The following ANK2 variants were observed in gnomAD, a reference collection of about 807,000 sequenced individuals.
ANK2 encodes the protein ankyrin 2, also known as ankyrin-2.
ANK2 carries 83 observed loss-of-function variants against 360.5 expected under a neutral mutation model. That is an observed-to-expected ratio of 0.23 (90% CI 0.19 to 0.28). ANK2 has a LOEUF of 0.28. Ranked by LOEUF, ANK2 falls within the 10% of genes least tolerant of loss-of-function variation. ANK2 has a pLI of 1.00. For synonymous variants in ANK2, 1,740 were observed against 1,759.5 expected, an observed-to-expected ratio of 0.99 and a Z score of 0.28; for missense variants, 4,201 against 4,795.7, an observed-to-expected ratio of 0.88 and a Z score of 3.66.
At chr4:112,910,093 G>A (rs753970775) in intron 2 of ANK2, among the ~76,000 whole-genome samples, 12 of 152,150 alleles carry the variant, frequency 7.9e-5, no homozygotes, top group Non-Finnish European at 1.5e-4. Flanking sequence ...GAATCACAGT[G>A]ATCTCCAATA....
intron 1 of ANK2, among the ~76,000 whole-genome samples, chr4:113,113,081 CCCAAAAAACAGAGGAAG>C (rs906441877): frequency 5.9e-5 from 9 of 152,032 alleles, no homozygotes; most frequent in Non-Finnish European, 1.3e-4. Context: ...ACTCATTAGT[CCCAAAAAACAGAGGAAG>C]CCTCAACTAT....
At chr4:112,721,797 A>G in the ANK2 span, among the ~76,000 whole-genome samples, 1 of 152,172 alleles carries the variant, frequency 6.6e-6, no homozygotes, top group Admixed American at 6.5e-5. Context: ...TGGCATCATA[A>G]GCATTGGTAG....
At chr4:113,257,690 T>C (rs75100100) in intron 11 of ANK2, among the ~76,000 whole-genome samples, 73 of 152,356 alleles carry the variant, frequency 4.8e-4, no homozygotes, top group African/African-American at 1.6e-3. Context: ...CTTCAGTTCA[T>C]CTTCAAGTAA....
rs149197000 is a variant in ANK2, at chr4:113,155,727, A to T, written c.85-18689A>T. Among the ~76,000 whole-genome samples, 346 of 152,274 alleles carry T rather than the reference A, an allele frequency of 2.3e-3. 1 individual carries two copies. Among genetic ancestry groups the T allele is most frequent in the African/African-American group, 8.0e-3 (331 of 41,576 alleles). ...TTGATTTCTATAACAAGCTTGAGAA[A>T]ATTTTCAAAAACAATGACAAAATGT... On this transcript the variant is annotated intron_variant, in intron 1 of 45. Transcript: ENST00000357077.
At chr4:113,287,786 A>G (rs2065453413) in intron 19 of ANK2, 83 bp downstream of exon 19, 2 of 1,132,748 alleles carry the variant, frequency 1.8e-6, no homozygotes. Flanking sequence ...CCCCATGTCC[A>G]GGGTCTTCCC....
chr4:112,820,570 G>A (rs553692393), intron 1 of ANK2, among the ~76,000 whole-genome samples: 26 of 152,168 alleles, frequency 1.7e-4, no homozygotes, highest in African/African-American at 5.3e-4. Context: ...CGTCTTTCCC[G>A]AAGAATGTCT....
the ANK2 span, among the ~76,000 whole-genome samples, chr4:112,762,483 A>G: frequency 6.6e-6 from 1 of 152,240 alleles, no homozygotes; most frequent in South Asian, 2.1e-4. Flanking sequence ...CAAAAAAAGT[A>G]AAGGCATGTG....
chr4:112,856,494 G>A (rs1287963398), intron 1 of ANK2, among the ~76,000 whole-genome samples: 2 of 152,196 alleles, frequency 1.3e-5, no homozygotes, highest in African/African-American at 4.8e-5. Context: ...TTGGGAGACT[G>A]AGGTGGGCAG....
At chr4:112,831,932 G>A (rs929166851) in intron 1 of ANK2, among the ~76,000 whole-genome samples, 2 of 152,050 alleles carry the variant, frequency 1.3e-5, no homozygotes, top group African/African-American at 4.8e-5. Context: ...CCACCAGAAG[G>A]AAGAAACTCT....
In ANK2 at chr4:113,306,366, GAC is replaced by G. The variant is rs1165444773; in HGVS notation, c.2548+3531_2548+3532del. ...TTGAGATAGGAAAGTACAAGAGAGA[GAC>G]ACAGAGTGGCAGAATCCTCCAGTCA... is the stretch of plus-strand genomic sequence containing the variant. On this transcript the variant is annotated intron_variant, in intron 23 of 45. Transcript: ENST00000357077. 1.7e-4 allele frequency among the ~76,000 whole-genome samples: 26 copies of G among 152,262 alleles called. No individual in the cohort carries two copies. The East Asian group carries it at 3.9e-3, about 23-fold the overall frequency.
intron 2 of ANK2, among the ~76,000 whole-genome samples, chr4:112,944,251 C>T (rs2094419142): frequency 6.6e-6 from 1 of 152,110 alleles, no homozygotes; most frequent in African/African-American, 2.4e-5. Flanking sequence ...GTACCATTCT[C>T]TTGTCTATTT....
At chr4:113,375,465 C>T (rs1177756569) in intron 45 of ANK2, among the ~76,000 whole-genome samples, 1 of 151,680 alleles carries the variant, frequency 6.6e-6, no homozygotes, top group African/African-American at 2.4e-5. Context: ...GTGGCTCACA[C>T]CTGTAATCCC....
intron 1 of ANK2, among the ~76,000 whole-genome samples, chr4:113,135,921 A>G (rs1337551443): frequency 6.6e-6 from 1 of 152,216 alleles, no homozygotes; most frequent in Admixed American, 6.5e-5. Context: ...GCAGATTGCT[A>G]TTCTCGGAGA....
chr4:113,116,069 A>G (rs1346510938), intron 1 of ANK2, among the ~76,000 whole-genome samples: 3 of 152,172 alleles, frequency 2.0e-5, no homozygotes, highest in Non-Finnish European at 4.4e-5. Context: ...GGTAATTGGA[A>G]TACTATAGAG....
the ANK2 span, among the ~76,000 whole-genome samples, chr4:112,742,093 C>A: frequency 1.3e-5 from 2 of 151,814 alleles, no homozygotes; most frequent in African/African-American, 2.4e-5. Flanking sequence ...GGAGTTCAAA[C>A]CAGTCTGGGC....
At chr4:112,792,974 A>G in the ANK2 span, among the ~76,000 whole-genome samples, 1 of 152,158 alleles carries the variant, frequency 6.6e-6, no homozygotes, top group Non-Finnish European at 1.5e-5. Context: ...TGCTACCTCA[A>G]AACTACATTT....
At chr4:112,719,501 G>A in the ANK2 span, among the ~76,000 whole-genome samples, 2 of 152,024 alleles carry the variant, frequency 1.3e-5, no homozygotes, top group African/African-American at 4.8e-5. Flanking sequence ...GGCCGAGGTG[G>A]GTGGATCACG....
intron 2 of ANK2, chr4:112,980,673 G>A (rs1163568617): frequency 1.3e-5 from 2 of 152,178 alleles, no homozygotes; most frequent in African/African-American, 2.4e-5. Flanking sequence ...AAGTGCTCTA[G>A]CAAATGCTAA....
At chr4:112,872,622 C>T (rs969908086) in intron 1 of ANK2, among the ~76,000 whole-genome samples, 1 of 152,216 alleles carries the variant, frequency 6.6e-6, no homozygotes, top group Non-Finnish European at 1.5e-5. Flanking sequence ...CAGGCATGAG[C>T]CACCACACCT....
Sources: gnomAD v4.1 joint callset for allele counts (sites outside exome capture counted in the v4.1 genomes callset) on GRCh38, gnomAD v4.1.1 for gene constraint, MANE v1.5 for transcripts, NCBI Gene and HGNC (gene_info 2026-07-23, HGNC 2026-07-21) for gene names.